CHCHD3: variants seen among roughly 807,000 people sequenced by gnomAD.
CHCHD3 encodes coiled-coil-helix-coiled-coil-helix domain containing 3.
Under a neutral mutation model 38.2 loss-of-function variants are expected in CHCHD3, and 20 were observed. The ratio of observed to expected loss-of-function variants is 0.52; its 90% CI spans 0.37 to 0.76. CHCHD3 has a LOEUF of 0.76. Ranked by LOEUF, CHCHD3 falls within the 30% of genes least tolerant of loss-of-function variation. The pLI is 0.00. For missense variants in CHCHD3, 245 were observed against 279.2 expected, an observed-to-expected ratio of 0.88 and a Z score of 0.87; for synonymous variants, 82 against 100.0, an observed-to-expected ratio of 0.82 and a Z score of 1.07.
chr7:132,919,870 G>C (rs184274572), intron 4 of CHCHD3, among the ~76,000 whole-genome samples: 2 of 152,280 alleles, frequency 1.3e-5, no homozygotes, highest in African/African-American at 4.8e-5. Flanking sequence ...ACAGCTGTGA[G>C]GAGTCTGACA....
chr7:132,911,968 T>C (rs1190880962), intron 4 of CHCHD3, among the ~76,000 whole-genome samples: 1 of 152,200 alleles, frequency 6.6e-6, no homozygotes, highest in African/African-American at 2.4e-5. Flanking sequence ...GCTACTAAGT[T>C]TTCCATCTTT....
intron 6 of CHCHD3, among the ~76,000 whole-genome samples, chr7:132,828,032 C>T (rs908216277): frequency 1.8e-4 from 27 of 152,118 alleles, no homozygotes; most frequent in African/African-American, 5.8e-4. Context: ...GATGACCATT[C>T]GGATTGTTGC....
rs145436319 is a variant in CHCHD3 at position 132,900,942 on chromosome 7, G to A, written c.370-15197C>T. Among the ~76,000 whole-genome samples the A allele has an allele frequency of 4.9e-3, 739 of 152,282 alleles. 5 individuals carry two copies. Among genetic ancestry groups the A allele is most frequent in the African/African-American group, 0.017 (707 of 41,558 alleles). ...GGAGGCGGACGTTGCAGTGAGCCGA[G>A]ATAGCACCACTGAACTCCAGCCTGG... On this transcript the variant is annotated intron_variant, in intron 4 of 7. Transcript: ENST00000262570.
intron 6 of CHCHD3, among the ~76,000 whole-genome samples, chr7:132,822,441 AG>A (rs1357524780): frequency 6.6e-6 from 1 of 152,060 alleles, no homozygotes; most frequent in Non-Finnish European, 1.5e-5. Flanking sequence ...TAAAAAAAAA[AG>A]TCTTGGGAGG....
At chr7:132,809,321 T>A (rs537084205) in intron 6 of CHCHD3, among the ~76,000 whole-genome samples, 3 of 152,298 alleles carry the variant, frequency 2.0e-5, no homozygotes, top group South Asian at 2.1e-4. Context: ...CTTTCACTTT[T>A]AACATTCCTC....
chr7:132,888,259 AT>A (rs1416282129), intron 4 of CHCHD3, among the ~76,000 whole-genome samples: 3 of 151,846 alleles, frequency 2.0e-5, no homozygotes, highest in African/African-American at 7.2e-5. Flanking sequence ...CTATTTTCTT[AT>A]TTTTGCTTCT....
intron 4 of CHCHD3, among the ~76,000 whole-genome samples, chr7:132,901,897 A>G (rs1809679253): frequency 6.6e-6 from 1 of 152,164 alleles, no homozygotes; most frequent in South Asian, 2.1e-4. Flanking sequence ...GCCCATGCCT[A>G]TTCCTGAATG....
chr7:132,932,565 C>T (rs1400479504), intron 4 of CHCHD3, among the ~76,000 whole-genome samples: 1 of 152,228 alleles, frequency 6.6e-6, no homozygotes, highest in Non-Finnish European at 1.5e-5. Context: ...CTGCCGTCTC[C>T]CACTGTTCCC....
intron 4 of CHCHD3, among the ~76,000 whole-genome samples, chr7:132,954,987 A>T (rs953301040): frequency 2.2e-4 from 33 of 152,100 alleles, no homozygotes; most frequent in African/African-American, 8.0e-4. Flanking sequence ...TCTGAGCAAA[A>T]ACATCAAGGA....
chr7:132,901,880 A>G (rs1809678783), intron 4 of CHCHD3, among the ~76,000 whole-genome samples: 1 of 152,160 alleles, frequency 6.6e-6, no homozygotes, highest in African/African-American at 2.4e-5. Context: ...TTAGTCATGA[A>G]GTCCTTGCCC....
At chr7:132,861,753 T>G (rs1216271310) in intron 5 of CHCHD3, among the ~76,000 whole-genome samples, 1 of 152,208 alleles carries the variant, frequency 6.6e-6, no homozygotes, top group African/African-American at 2.4e-5. Flanking sequence ...ATAAAACTAT[T>G]TATGGACACT....
chr7:132,933,932 G>A (rs1810575283), intron 4 of CHCHD3, among the ~76,000 whole-genome samples: 1 of 152,204 alleles, frequency 6.6e-6, no homozygotes, highest in African/African-American at 2.4e-5. Context: ...GTGGGTGGAT[G>A]TCAAAGGTAC....
At chr7:133,011,247 T>C (rs1362525926) in intron 3 of CHCHD3, among the ~76,000 whole-genome samples, 1 of 152,218 alleles carries the variant, frequency 6.6e-6, no homozygotes. Flanking sequence ...ACTTGGACTT[T>C]ATGCTAAACC....
At chr7:133,046,478 T>C (rs905400415) in intron 2 of CHCHD3, among the ~76,000 whole-genome samples, 17 of 152,226 alleles carry the variant, frequency 1.1e-4, no homozygotes, top group Non-Finnish European at 2.4e-4. Flanking sequence ...CAGGTCATTT[T>C]ATTTAATGTG....
intron 2 of CHCHD3, among the ~76,000 whole-genome samples, chr7:133,029,211 T>C (rs1242556186): frequency 3.3e-5 from 5 of 152,214 alleles, no homozygotes; most frequent in Admixed American, 6.5e-5. Flanking sequence ...AACTATGTGA[T>C]GATTTGATAT....
At chr7:132,814,166 C>A (rs767095159) in intron 6 of CHCHD3, among the ~76,000 whole-genome samples, 1 of 152,148 alleles carries the variant, frequency 6.6e-6, no homozygotes, top group Non-Finnish European at 1.5e-5. Context: ...TACTGTTAAA[C>A]CAGTATTCAA....
intron 2 of CHCHD3, among the ~76,000 whole-genome samples, chr7:133,054,509 T>C (rs1814256009): frequency 6.6e-6 from 1 of 152,108 alleles, no homozygotes; most frequent in South Asian, 2.1e-4. Context: ...AGGAAAAAAA[T>C]GCATTTAAAG....
chr7:132,799,802 T>G (rs1330750079), intron 6 of CHCHD3, among the ~76,000 whole-genome samples: 1 of 152,218 alleles, frequency 6.6e-6, no homozygotes, highest in Non-Finnish European at 1.5e-5. Flanking sequence ...TCCTACCATA[T>G]GTATGCACAT....
At chr7:132,860,313 AGAAAG>A (rs1471961018) in intron 5 of CHCHD3, among the ~76,000 whole-genome samples, 1 of 104,606 alleles carries the variant, frequency 9.6e-6, no homozygotes, top group African/African-American at 4.6e-5. Context: ...AGAGAGAGAG[AGAAAG>A]AGAGAGAGAG....
Sources: allele counts gnomAD v4.1 joint callset (sites outside exome capture counted in the v4.1 genomes callset), GRCh38; gene constraint gnomAD v4.1.1; transcripts MANE v1.5; gene names NCBI Gene and HGNC (gene_info 2026-07-23, HGNC 2026-07-21).